The following MCOLN3 variants were observed in gnomAD, a reference collection of about 807,000 sequenced individuals.
MCOLN3 encodes the protein mucolipin TRP cation channel 3, also known as mucolipin-3.
A neutral mutation model predicts 69.4 loss-of-function variants in MCOLN3; 62 were observed. That is an observed-to-expected ratio of 0.89 (90% CI 0.73 to 1.10). The LOEUF (loss-of-function observed/expected upper bound fraction) is 1.10. Ranked by LOEUF, MCOLN3 falls within the 50% of genes least tolerant of loss-of-function variation. The probability of loss-of-function intolerance (pLI) is 0.00; values close to 1 mark genes in which losing one functional copy is unlikely to be tolerated. For synonymous variants in MCOLN3, 183 were observed against 217.0 expected (o/e 0.84, Z 1.38); for missense variants, 564 against 656.4 (o/e 0.86, Z 1.54).
chr1:85,026,973 T>C (rs986094568), intron 7 of MCOLN3, among the ~76,000 whole-genome samples: 9 of 152,014 alleles, frequency 5.9e-5, no homozygotes, highest in African/African-American at 2.2e-4. Flanking sequence ...TGGTTGGTCT[T>C]GAACTCCTGG....
At chr1:85,022,451 G>A in intron 9 of MCOLN3, 51 bp from the exon 10 acceptor site, 1 of 1,330,632 alleles carries the variant, frequency 7.5e-7, no homozygotes, top group South Asian at 1.2e-5. Flanking sequence ...AAATTCATTT[G>A]GCAATAAATA....
intron 3 of MCOLN3, among the ~76,000 whole-genome samples, chr1:85,034,971 C>A (rs750859979): frequency 6.6e-6 from 1 of 152,116 alleles, no homozygotes; most frequent in Non-Finnish European, 1.5e-5. Flanking sequence ...GAAAATAATT[C>A]TGCTAAAAGA....
chr1:85,045,276 A>G lies in MCOLN3; in HGVS notation c.85T>C (p.Ser29Pro). The stretch of plus-strand genomic sequence containing the variant: ...TGGTCTTCTAATAGAAGCTCCTCAG[A>G]TGGAGATGTTTGCTGGTTAAAATTG... ...RCNFNQQTSP[S>P]EELLLEDQMR... Residue 29 changes from serine (S) to proline (P), a missense_variant, in exon 2 of 13, where the codon TCT (serine) becomes CCT (proline). Transcript: ENST00000370589. The G allele has an allele frequency of 1.9e-6, 3 of 1,614,104 alleles. No individual in the cohort carries two copies. The highest frequency in any genetic ancestry group is 2.2e-5 in the South Asian group (2 of 91,072).
intron 3 of MCOLN3, among the ~76,000 whole-genome samples, chr1:85,034,906 A>G (rs895939743): frequency 1.3e-5 from 2 of 152,242 alleles, no homozygotes; most frequent in Non-Finnish European, 2.9e-5. Context: ...TATGTCTGGT[A>G]CAGTTGGTCA....
rs1188765626 is a variant in MCOLN3, at chr1:85,041,146, A to G, written c.260T>C (p.Val87Ala). 1 of 1,613,852 alleles carries G rather than the reference A, an allele frequency of 6.2e-7. No homozygotes were observed. The highest frequency in any genetic ancestry group is 1.7e-4 in the Middle Eastern group (1 of 6,060). ...AGTATTCTCTTCCTTGAAAGCTACC[A>G]CCATCTGGTTACTTAGCCCAAATAA... ...LVLFGLSNQM[V>A]VAFKEENTIA... The change falls in exon 3 of 13, where the codon GTG becomes GCG. Residue 87 changes from valine to alanine, a missense_variant. Transcript: ENST00000370589.
At position 85,034,245 on chromosome 1, in the gene MCOLN3, G is replaced by A; in HGVS notation, c.403C>T (p.Gln135Ter). The A allele has an allele frequency of 6.2e-7, 1 of 1,614,098 alleles. No individual in the cohort carries two copies. The highest frequency in any genetic ancestry group is 8.5e-7 in the Non-Finnish European group (1 of 1,179,982). Residue 135 changes from glutamine (Q) to a stop codon, truncating the protein, a stop_gained, in exon 4 of 13, where the codon CAG becomes TAG. Transcript: ENST00000370589. LOFTEE classifies it high-confidence loss of function. ...QLIFAVNQYL[Q>*]LYNVSVGNHA... ...TTCCCAACGGAGACATTGTATAGCT[G>A]CAAGTACTTCAACCAAAATGAGAAA...
chr1:85,020,143 C>G (rs1482396145), intron 12 of MCOLN3, among the ~76,000 whole-genome samples: 3 of 152,218 alleles, frequency 2.0e-5, no homozygotes, highest in African/African-American at 7.2e-5. Flanking sequence ...GAAGTTACAA[C>G]TACATTCTTT....
At chr1:85,025,840 A>G in intron 9 of MCOLN3, 99 bp downstream of exon 9, 2 of 1,230,632 alleles carry the variant, frequency 1.6e-6, no homozygotes, top group Non-Finnish European at 1.1e-6. Flanking sequence ...TACAGTTTGG[A>G]AGAAACAATT....
chr1:85,032,025 G>A (rs986119993), intron 6 of MCOLN3, among the ~76,000 whole-genome samples: 15 of 152,198 alleles, frequency 9.9e-5, no homozygotes, highest in African/African-American at 3.4e-4. Context: ...GCAGTGAGCC[G>A]AGATCGCGCC....
At chr1:85,042,721 G>T (rs1009465946) in intron 2 of MCOLN3, among the ~76,000 whole-genome samples, 24 of 152,200 alleles carry the variant, frequency 1.6e-4, no homozygotes, top group African/African-American at 5.8e-4. Flanking sequence ...TGGGAAAAGA[G>T]AAATTTTTAG....
chr1:85,034,575 A>G (rs1652719855), intron 3 of MCOLN3, among the ~76,000 whole-genome samples: 1 of 152,208 alleles, frequency 6.6e-6, no homozygotes, highest in African/African-American at 2.4e-5. Flanking sequence ...GTGATATTCA[A>G]TGTAAATACA....
In MCOLN3 at chr1:85,019,021, A is replaced by G; in HGVS notation, c.*102T>C. 1.7e-6 allele frequency: 2 copies of G among 1,167,210 alleles called. No individual in the cohort carries two copies. The highest frequency in any genetic ancestry group is 2.4e-6 in the Non-Finnish European group (2 of 835,910). 72.3% of individuals were successfully genotyped at this position (1,167,210 alleles called of 1,614,324 possible). A position where few individuals can be genotyped will look rare whatever the true frequency, so the allele number is the denominator to read the frequency against. On this transcript the variant is annotated 3_prime_UTR_variant, in exon 13 of 13. Transcript: ENST00000370589. Reference sequence around the variant, plus strand: ...AATTATAGGTCTCAATTAGCTCAAAATAACAGTCTTCAAACATACTACATC... The same window carrying G: ...AATTATAGGTCTCAATTAGCTCAAAGTAACAGTCTTCAAACATACTACATC...
At chr1:85,029,700 A>G (rs1361588228) in intron 6 of MCOLN3, 1 of 153,258 alleles carries the variant, frequency 6.5e-6, no homozygotes, top group East Asian at 1.9e-4. Flanking sequence ...TTTCTTAGTC[A>G]CGTTGGCACT....
At chr1:85,024,930 C>T (rs1652139248) in intron 9 of MCOLN3, 1 of 152,332 alleles carries the variant, frequency 6.6e-6, no homozygotes, top group East Asian at 1.9e-4. Context: ...CCCTGGCTCC[C>T]TCTGCAGTTA....
chr1:85,026,400 G>A, intron 7 of MCOLN3, 116 bp from the exon 8 acceptor site: 1 of 735,198 alleles, frequency 1.4e-6, no homozygotes, highest in South Asian at 1.8e-5. Flanking sequence ...CAACAAAGAA[G>A]CCCTGATAAA....
intron 7 of MCOLN3, among the ~76,000 whole-genome samples, chr1:85,026,743 C>T (rs909127352): frequency 4.7e-5 from 7 of 148,028 alleles, no homozygotes; most frequent in African/African-American, 1.0e-4. Flanking sequence ...GGTGACAGAG[C>T]GAGACTCCAT....
At chr1:85,021,683 A>G (rs1651945831) in intron 11 of MCOLN3, among the ~76,000 whole-genome samples, 3 of 152,150 alleles carry the variant, frequency 2.0e-5, no homozygotes, top group Non-Finnish European at 4.4e-5. Context: ...TCCAGACTAT[A>G]GCTCTAGTAA....
chr1:85,045,615 A>G (rs942139473), intron 1 of MCOLN3, among the ~76,000 whole-genome samples: 1 of 152,242 alleles, frequency 6.6e-6, no homozygotes, highest in East Asian at 1.9e-4. Flanking sequence ...GGCTGCTCCC[A>G]TTAGTAAAAG....
At chr1:85,021,417 C>T (rs1387015451) in intron 11 of MCOLN3, 141 bp from the exon 12 acceptor site, 1 of 667,846 alleles carries the variant, frequency 1.5e-6, no homozygotes, top group Admixed American at 3.0e-5. Flanking sequence ...GGTAACCACA[C>T]ACATTTGCTT....
Sources: gnomAD v4.1 joint callset for allele counts (sites outside exome capture counted in the v4.1 genomes callset) on GRCh38, gnomAD v4.1.1 for gene constraint, MANE v1.5 for transcripts, NCBI Gene and HGNC (gene_info 2026-07-23, HGNC 2026-07-21) for gene names.